Variants in COL25A1 observed in about 807,000 individuals in gnomAD.
The protein encoded by COL25A1 is collagen type XXV alpha 1 chain, also known as collagen alpha-1(XXV) chain.
Under a neutral mutation model 128.4 loss-of-function variants are expected in COL25A1, and 103 were observed. The observed-to-expected ratio is 0.80, with a 90% confidence interval of 0.68 to 0.94. The LOEUF (loss-of-function observed/expected upper bound fraction) is 0.94, where lower values mean the gene tolerates loss of function less well. Among genes scored for constraint, COL25A1 ranks in the 40% least tolerant of loss-of-function variants. The pLI is 0.00. For missense variants in COL25A1, 745 were observed against 840.0 expected, an observed-to-expected ratio of 0.89 and a Z score of 1.40; for synonymous variants, 279 against 277.2, an observed-to-expected ratio of 1.01 and a Z score of -0.06.
chr4:109,026,859 G>A lies in COL25A1; in HGVS notation c.421-16484C>T, dbSNP rs142740741. On this transcript the variant is annotated intron_variant, in intron 5 of 37. Coordinates refer to ENST00000399132, the MANE Select transcript of COL25A1 (RefSeq NM_198721.4). ...AAGTGGAGTCAGAGAAGAAGAATGCGGAGAAAGAACACCATCTTATATAAG... is the reference window on the plus strand; with the variant it reads ...AAGTGGAGTCAGAGAAGAAGAATGCAGAGAAAGAACACCATCTTATATAAG... 3.9e-3 allele frequency among the ~76,000 whole-genome samples: 595 copies of A among 152,178 alleles called. 1 individual carries two copies. The highest frequency in any genetic ancestry group is 7.0e-3 in the Non-Finnish European group (477 of 68,006).
At chr4:108,865,750 T>C (rs1311629210) in intron 20 of COL25A1, among the ~76,000 whole-genome samples, 1 of 152,216 alleles carries the variant, frequency 6.6e-6, no homozygotes, top group Non-Finnish European at 1.5e-5. Context: ...AATACATCTT[T>C]ACTTTTTAAC....
chr4:108,974,389 T>C lies in COL25A1; in HGVS notation c.470A>G (p.Glu157Gly). Residue 157 changes from glutamate to glycine, a missense_variant, in exon 8 of 38, where the codon GAA becomes GGA. Around this residue, in one of 3 missense-constraint regions of COL25A1, gnomAD observed 319 missense variants for 324.9 expected, o/e 0.98. Coordinates refer to ENST00000399132, the MANE Select transcript of COL25A1 (RefSeq NM_198721.4). ...GPPGPKGDKG[E>G]QGDQGPRMVF... ...TACCCTAGGTCCCTGATCACCTTGTTCTCCCTGTAGAATAGAAAGGTGAGA... is the reference window on the plus strand; with the variant it reads ...TACCCTAGGTCCCTGATCACCTTGTCCTCCCTGTAGAATAGAAAGGTGAGA... The C allele has an allele frequency of 6.2e-7, 1 of 1,613,970 alleles. No individual in the cohort carries two copies. The highest frequency in any genetic ancestry group is 8.5e-7 in the Non-Finnish European group (1 of 1,179,912).
At chr4:109,231,070 C>CAGAA (rs1468685501) in intron 3 of COL25A1, among the ~76,000 whole-genome samples, 1 of 151,920 alleles carries the variant, frequency 6.6e-6, no homozygotes, top group Non-Finnish European at 1.5e-5. Flanking sequence ...TCCCGGAAGG[C>CAGAA]AGAAGTTGCA....
intron 3 of COL25A1, among the ~76,000 whole-genome samples, chr4:109,254,089 G>GAAA (rs536937780): frequency 2.9e-5 from 2 of 68,536 alleles, no homozygotes; most frequent in Non-Finnish European, 6.6e-5. Flanking sequence ...TCCGTCTCAA[G>GAAA]AAAAAAAAAA....
chr4:109,220,114 A>C (rs1778308332), intron 3 of COL25A1, among the ~76,000 whole-genome samples: 1 of 152,180 alleles, frequency 6.6e-6, no homozygotes. Context: ...CAATCAATTG[A>C]GTCTTTGTAT....
rs55997800 is a variant in COL25A1 at position 109,254,469 on chromosome 4, T to TTATATATATATATATATA, written c.367+46096_367+46113dup. On this transcript the variant is annotated intron_variant, in intron 3 of 37. Transcript: ENST00000399132. Reference sequence around the variant, plus strand: ...GTGCTATGTACATGTAGGCATATGTTTATATATATATATATATATATATAT... The same window carrying TTATATATATATATATATA: ...GTGCTATGTACATGTAGGCATATGTTTATATATATATATATATATATATATATATATATATATATATAT... Among the ~76,000 whole-genome samples, 216 of 59,452 alleles carry TTATATATATATATATATA rather than the reference T, an allele frequency of 3.6e-3. 1 individual carries two copies. Among genetic ancestry groups the TTATATATATATATATATA allele is most frequent in the Middle Eastern group, 0.014 (1 of 70 alleles). The allele number at this position is 59,452 out of a possible 152,430, so 39.0% of individuals were successfully genotyped here.
In COL25A1 at chr4:108,941,372, C is replaced by T; in HGVS notation, c.558G>A (p.Leu186=). The part of the protein sequence containing the change: ...SADQQLIKRR[L]IKGDQGQAGP... ...CAGCAAGAATAAGCACTACCTTAAT[C>T]AGGCGGCGTTTAATGAGCTGCTGAT... is the stretch of plus-strand genomic sequence containing the variant. Residue 186 remains leucine, a synonymous_variant, in exon 9 of 38, where the codon CTG becomes CTA. Coordinates refer to ENST00000399132, the MANE Select transcript of COL25A1 (RefSeq NM_198721.4). 6.2e-7 allele frequency: 1 copy of T among 1,613,426 alleles called. No individual in the cohort carries two copies.
chr4:108,841,799 CAAAAGAGATGTGAGACAAGCA>C, intron 30 of COL25A1, 78 bp from the exon 31 acceptor site: 1 of 1,137,518 alleles, frequency 8.8e-7, no homozygotes, highest in Non-Finnish European at 1.3e-6. Flanking sequence ...TATCACATAA[CAAAAGAGATGTGAGACAAGCA>C]TCTTCTTGTT....
intron 8 of COL25A1, among the ~76,000 whole-genome samples, chr4:108,972,593 G>A (rs917743527): frequency 5.3e-5 from 8 of 152,062 alleles, no homozygotes; most frequent in African/African-American, 9.7e-5. Flanking sequence ...ATTTAGATTC[G>A]TACCCATGAA....
chr4:109,060,446 G>A (rs919771141), intron 3 of COL25A1, among the ~76,000 whole-genome samples: 22 of 152,058 alleles, frequency 1.4e-4, no homozygotes, highest in African/African-American at 2.9e-4. Flanking sequence ...ATCACATAGC[G>A]TAATGATAAT....
At chr4:109,065,232 G>C (rs771461882) in intron 3 of COL25A1, among the ~76,000 whole-genome samples, 7 of 152,194 alleles carry the variant, frequency 4.6e-5, no homozygotes, top group Non-Finnish European at 8.8e-5. Context: ...ACGCAATCAT[G>C]AAGCACAGTT....
intron 3 of COL25A1, among the ~76,000 whole-genome samples, chr4:109,098,812 T>C (rs1353461598): frequency 6.6e-6 from 1 of 152,212 alleles, no homozygotes; most frequent in Non-Finnish European, 1.5e-5. Flanking sequence ...CTATAACCAA[T>C]GTTAACTGCA....
rs888664218 is a variant in COL25A1 at position 108,946,410 on chromosome 4, T to C, written c.493-4973A>G. Among the ~76,000 whole-genome samples, 24 of 152,266 alleles carry C rather than the reference T, an allele frequency of 1.6e-4. 1 individual carries two copies. The highest frequency in any genetic ancestry group is 1.4e-3 in the Admixed American group (21 of 15,284). On this transcript the variant is annotated intron_variant, in intron 8 of 37. Coordinates refer to ENST00000399132, the MANE Select transcript of COL25A1 (RefSeq NM_198721.4). Reference sequence around the variant, plus strand: ...AGTAAGGCAATGATAGAGCCAGAAATTCAATTCAGGTCTTCTGATTCTAAA... The same window carrying C: ...AGTAAGGCAATGATAGAGCCAGAAACTCAATTCAGGTCTTCTGATTCTAAA...
intron 3 of COL25A1, among the ~76,000 whole-genome samples, chr4:109,195,703 C>G (rs1175721258): frequency 6.6e-6 from 1 of 152,060 alleles, no homozygotes; most frequent in Non-Finnish European, 1.5e-5. Context: ...CAGATCATGA[C>G]ATACAGAAGC....
In COL25A1 at chr4:109,186,613, C is replaced by T. The variant is rs569170976; in HGVS notation, c.367+113970G>A. ...AAAGGTCACTGAAGACATTGGAAGC[C>T]CTTCTGCGATTGCCTTTCAAGTGGT... On this transcript the variant is annotated intron_variant, in intron 3 of 37. Coordinates refer to ENST00000399132, the MANE Select transcript of COL25A1 (RefSeq NM_198721.4). 7.2e-5 allele frequency among the ~76,000 whole-genome samples: 11 copies of T among 152,162 alleles called. No individual in the cohort carries two copies. In the South Asian group the frequency reaches 2.3e-3, roughly 32 times the overall value.
chr4:108,852,313 A>G, intron 25 of COL25A1, 33 bp from the exon 26 acceptor site: 1 of 1,543,404 alleles, frequency 6.5e-7, no homozygotes, highest in South Asian at 1.2e-5. Flanking sequence ...TTTTAAAAGT[A>G]GTAATTATAT....
chr4:109,269,274 A>C (rs183711776), intron 3 of COL25A1, among the ~76,000 whole-genome samples: 34 of 150,404 alleles, frequency 2.3e-4, no homozygotes, highest in Non-Finnish European at 4.1e-4. Flanking sequence ...ATTATTTTTT[A>C]TGGCTGCATA....
At chr4:109,168,269 C>G (rs1255360766) in intron 3 of COL25A1, among the ~76,000 whole-genome samples, 1 of 152,102 alleles carries the variant, frequency 6.6e-6, no homozygotes, top group Non-Finnish European at 1.5e-5. Flanking sequence ...GCTTTAAAAT[C>G]CTGATAAGTT....
chr4:109,066,225 T>C (rs3113687), intron 3 of COL25A1, among the ~76,000 whole-genome samples: 83,050 of 152,062 alleles, frequency 0.55, 24,148 homozygotes, highest in African/African-American at 0.73. Flanking sequence ...ACCACACTGG[T>C]TGTTGGTCAG....
Sources: allele counts gnomAD v4.1 joint callset (sites outside exome capture counted in the v4.1 genomes callset), GRCh38; gene constraint gnomAD v4.1.1; regional missense constraint gnomAD v4.1.1; transcripts MANE v1.5; gene names NCBI Gene and HGNC (gene_info 2026-07-23, HGNC 2026-07-21).